CSMD1: variants seen among roughly 807,000 people sequenced by gnomAD.
The protein encoded by CSMD1 is CUB and Sushi multiple domains 1, also known as CUB and sushi domain-containing protein 1.
In CSMD1, 213 loss-of-function variants were observed where a neutral mutation model predicts 417.5. The ratio of observed to expected loss-of-function variants is 0.51; its 90% CI spans 0.46 to 0.57. The LOEUF (loss-of-function observed/expected upper bound fraction) is 0.57. Ranked by LOEUF, CSMD1 falls within the 20% of genes least tolerant of loss-of-function variation. CSMD1 has a pLI of 0.00. For synonymous variants in CSMD1, 2,862 were observed against 1,736.8 expected (o/e 1.65, Z -16.11); for missense variants, 6,923 against 4,529.7 (o/e 1.53, Z -15.17).
In CSMD1 at chr8:3,777,419, C is replaced by T. The variant is rs117026687; in HGVS notation, c.819-23377G>A. On this transcript the variant is annotated intron_variant, in intron 5 of 69. Coordinates refer to ENST00000635120, the MANE Select transcript of CSMD1 (RefSeq NM_033225.6). ...CCCTCCACTGCTCTTGCACCTGGGGCATCCTGTCAGGCCTCAGGCAGGCTT... is the reference window on the plus strand; with the variant it reads ...CCCTCCACTGCTCTTGCACCTGGGGTATCCTGTCAGGCCTCAGGCAGGCTT... Among the ~76,000 whole-genome samples the T allele has an allele frequency of 8.1e-3, 1,233 of 152,224 alleles. 8 individuals carry two copies. The highest frequency in any genetic ancestry group is 0.014 in the Middle Eastern group (4 of 294).
intron 4 of CSMD1, among the ~76,000 whole-genome samples, chr8:4,003,372 G>C (rs1024188368): frequency 6.6e-6 from 1 of 151,652 alleles, no homozygotes; most frequent in Non-Finnish European, 1.5e-5. Context: ...CAGCCTGGGC[G>C]ACACAGCAAG....
intron 4 of CSMD1, among the ~76,000 whole-genome samples, chr8:4,018,365 G>A (rs555142548): frequency 7.9e-5 from 12 of 152,180 alleles, no homozygotes; most frequent in African/African-American, 2.9e-4. Context: ...ATGCCGAGGA[G>A]CTGCCATCAT....
intron 3 of CSMD1, among the ~76,000 whole-genome samples, chr8:4,376,229 G>A (rs1223717212): frequency 1.3e-5 from 2 of 152,090 alleles, no homozygotes; most frequent in South Asian, 2.1e-4. Context: ...CGTTTTTGAC[G>A]TTTTCCTATT....
At chr8:3,917,782 C>T (rs984661340) in intron 5 of CSMD1, among the ~76,000 whole-genome samples, 1 of 152,134 alleles carries the variant, frequency 6.6e-6, no homozygotes, top group African/African-American at 2.4e-5. Context: ...ATTCCCCCCA[C>T]ACCTATTATT....
intron 26 of CSMD1, among the ~76,000 whole-genome samples, chr8:3,231,225 A>G (rs1246976697): frequency 2.6e-5 from 4 of 152,218 alleles, no homozygotes; most frequent in Admixed American, 6.5e-5. Flanking sequence ...TGAAAAATCC[A>G]AAGCTTAGAT....
At chr8:4,571,571 C>A (rs1388913368) in intron 2 of CSMD1, among the ~76,000 whole-genome samples, 1 of 152,162 alleles carries the variant, frequency 6.6e-6, no homozygotes, top group African/African-American at 2.4e-5. Context: ...ATTATGTGGT[C>A]CATTTTAGAA....
intron 1 of CSMD1, among the ~76,000 whole-genome samples, chr8:4,665,100 C>A (rs192540456): frequency 2.6e-5 from 4 of 152,124 alleles, no homozygotes; most frequent in African/African-American, 4.8e-5. Flanking sequence ...ACCTTGCCAC[C>A]CAGCCCTGCC....
At chr8:4,111,291 G>A (rs1040176617) in intron 3 of CSMD1, among the ~76,000 whole-genome samples, 1 of 152,134 alleles carries the variant, frequency 6.6e-6, no homozygotes, top group African/African-American at 2.4e-5. Flanking sequence ...GAAATCTTAT[G>A]AGCAGAAGAA....
chr8:4,053,020 AG>A (rs1798512072), intron 3 of CSMD1, among the ~76,000 whole-genome samples: 1 of 152,128 alleles, frequency 6.6e-6, no homozygotes, highest in South Asian at 2.1e-4. Context: ...ACTTTAGCAA[AG>A]GGTAACAATT....
intron 1 of CSMD1, among the ~76,000 whole-genome samples, chr8:4,730,470 G>T (rs1367209340): frequency 6.6e-6 from 1 of 152,200 alleles, no homozygotes. Context: ...GCCAGGAGCA[G>T]TGGCTCACAC....
At chr8:4,194,015 T>C (rs1224738148) in intron 3 of CSMD1, among the ~76,000 whole-genome samples, 1 of 152,122 alleles carries the variant, frequency 6.6e-6, no homozygotes. Flanking sequence ...ATAATGTTTT[T>C]GATATTTAAG....
chr8:4,856,592 C>CA (rs1480742238), intron 1 of CSMD1, among the ~76,000 whole-genome samples: 1 of 141,708 alleles, frequency 7.1e-6, no homozygotes, highest in Non-Finnish European at 1.5e-5. Flanking sequence ...CAATGGAAAA[C>CA]AAAAAAAGGC....
At chr8:3,775,812 G>A (rs894568468) in intron 5 of CSMD1, among the ~76,000 whole-genome samples, 1 of 152,180 alleles carries the variant, frequency 6.6e-6, no homozygotes, top group African/African-American at 2.4e-5. Context: ...TGTCATCATG[G>A]GGTCCATTGC....
At chr8:4,829,458 A>C (rs907399171) in intron 1 of CSMD1, among the ~76,000 whole-genome samples, 1 of 152,138 alleles carries the variant, frequency 6.6e-6, no homozygotes, top group Admixed American at 6.5e-5. Context: ...ATTAACATTT[A>C]AGGCCAGGTG....
At chr8:4,836,832 A>G (rs1165922634) in intron 1 of CSMD1, among the ~76,000 whole-genome samples, 1 of 152,120 alleles carries the variant, frequency 6.6e-6, no homozygotes, top group African/African-American at 2.4e-5. Flanking sequence ...CCAAGAAAAA[A>G]AAAAGTAGAC....
chr8:4,506,391 G>A (rs554180209), intron 2 of CSMD1, among the ~76,000 whole-genome samples: 2 of 152,166 alleles, frequency 1.3e-5, no homozygotes, highest in South Asian at 2.1e-4. Flanking sequence ...TAGTGCAAAG[G>A]GGAGAGAGAG....
intron 3 of CSMD1, among the ~76,000 whole-genome samples, chr8:4,387,706 T>C (rs779971241): frequency 2.5e-4 from 37 of 149,540 alleles, no homozygotes; most frequent in African/African-American, 3.4e-4. Context: ...CTTGAGGCAA[T>C]AGTACTTTAT....
chr8:4,847,777 ATTT>A (rs34765624), intron 1 of CSMD1, among the ~76,000 whole-genome samples: 51 of 138,348 alleles, frequency 3.7e-4, no homozygotes, highest in African/African-American at 9.8e-4. Flanking sequence ...CTCTATCGGG[ATTT>A]TTTTTTTTTT....
chr8:3,464,691 A>T (rs746501490), intron 12 of CSMD1, among the ~76,000 whole-genome samples: 1 of 151,638 alleles, frequency 6.6e-6, no homozygotes, highest in Non-Finnish European at 1.5e-5. Context: ...TGTTTTAAAA[A>T]TATATACTAG....
Sources: allele counts gnomAD v4.1 joint callset (sites outside exome capture counted in the v4.1 genomes callset), GRCh38; gene constraint gnomAD v4.1.1; transcripts MANE v1.5; gene names NCBI Gene and HGNC (gene_info 2026-07-23, HGNC 2026-07-21).